The following ANTXR2 variants were observed in gnomAD, a reference collection of about 807,000 sequenced individuals.
The protein encoded by ANTXR2 is ANTXR cell adhesion molecule 2, also known as anthrax toxin receptor 2.
A neutral mutation model predicts 73.7 loss-of-function variants in ANTXR2; 44 were observed. The observed-to-expected ratio is 0.60, with a 90% CI of 0.47 to 0.77. ANTXR2 has a LOEUF of 0.77. ANTXR2 is among the 30% of genes least tolerant of loss of function. The pLI is 0.00. For missense variants in ANTXR2, 604 were observed against 592.5 expected, an observed-to-expected ratio of 1.02 and a Z score of -0.20; for synonymous variants, 217 against 205.9, an observed-to-expected ratio of 1.05 and a Z score of -0.46.
rs112474986 is a variant in ANTXR2 at position 80,066,963 on chromosome 4, C to T, written c.296+2473G>A. Among the ~76,000 whole-genome samples, 179 of 151,980 alleles carry T rather than the reference C, an allele frequency of 1.2e-3. 2 individuals are homozygous for T. The highest frequency in any genetic ancestry group is 4.0e-3 in the African/African-American group (167 of 41,448). ...CTGTAATCCTAGCACTTTGGGAGGCCGAGGCGGACGGATCACGAGGTCAGG... is the reference window on the plus strand; with the variant it reads ...CTGTAATCCTAGCACTTTGGGAGGCTGAGGCGGACGGATCACGAGGTCAGG... On this transcript the variant is annotated intron_variant, in intron 3 of 16. Coordinates refer to ENST00000403729, the MANE Select transcript of ANTXR2 (RefSeq NM_058172.6).
At chr4:79,921,293 T>A (rs1727579547) in intron 16 of ANTXR2, among the ~76,000 whole-genome samples, 1 of 152,116 alleles carries the variant, frequency 6.6e-6, no homozygotes, top group African/African-American at 2.4e-5. Flanking sequence ...TTATTGAGAT[T>A]TTCCTAATGT....
intron 3 of ANTXR2, 33 bp from the exon 4 acceptor site, chr4:80,056,046 G>T (rs1156369299): frequency 2.9e-6 from 4 of 1,397,876 alleles, no homozygotes; most frequent in Non-Finnish European, 3.9e-6. Context: ...GAAAAAATGA[G>T]CAAAGAGCAA....
At chr4:80,061,501 A>G (rs1387746197) in intron 3 of ANTXR2, among the ~76,000 whole-genome samples, 1 of 152,172 alleles carries the variant, frequency 6.6e-6, no homozygotes, top group East Asian at 1.9e-4. Context: ...AATAAACAGT[A>G]ATTCCAAAAC....
At chr4:80,023,755 G>A (rs552541042) in intron 10 of ANTXR2, among the ~76,000 whole-genome samples, 3 of 152,192 alleles carry the variant, frequency 2.0e-5, no homozygotes, top group African/African-American at 7.2e-5. Context: ...AAAGGGACAG[G>A]GACAGAACAG....
chr4:79,933,034 C>T (rs1728121487), intron 16 of ANTXR2, among the ~76,000 whole-genome samples: 3 of 151,570 alleles, frequency 2.0e-5, no homozygotes, highest in African/African-American at 7.3e-5. Flanking sequence ...TTAACAATAC[C>T]CCCACTTAAA....
chr4:80,053,421 C>T (rs979437649), intron 7 of ANTXR2, among the ~76,000 whole-genome samples: 3 of 151,612 alleles, frequency 2.0e-5, no homozygotes, highest in Non-Finnish European at 4.4e-5. Flanking sequence ...AAAACAAATA[C>T]AATAAATCTC....
In ANTXR2 at chr4:80,071,625, T is replaced by C; in HGVS notation, c.182A>G (p.Glu61Gly). 1 of 1,613,434 alleles carries C rather than the reference T, an allele frequency of 6.2e-7. No individual in the cohort carries two copies. Among genetic ancestry groups the C allele is most frequent in the Non-Finnish European group, 8.5e-7 (1 of 1,179,418 alleles). ...AAGTTGCTGTACGAAATTATAAATT[T>C]CAATCCAGTTATTTGCCACACTCCC... ...KSGSVANNWI[E>G]IYNFVQQLAE... Residue 61 changes from glutamate (E) to glycine (G), a missense_variant, in exon 2 of 17, where the codon GAA becomes GGA. Coordinates refer to ENST00000403729, the MANE Select transcript of ANTXR2 (RefSeq NM_058172.6).
intron 3 of ANTXR2, among the ~76,000 whole-genome samples, chr4:80,064,780 A>C (rs1734420867): frequency 6.6e-6 from 1 of 152,182 alleles, no homozygotes; most frequent in South Asian, 2.1e-4. Flanking sequence ...AGGGAATGGA[A>C]AGAAGACCAC....
At chr4:79,948,290 G>T (rs1392722399) in intron 16 of ANTXR2, among the ~76,000 whole-genome samples, 6 of 152,106 alleles carry the variant, frequency 3.9e-5, no homozygotes, top group Non-Finnish European at 8.8e-5. Context: ...CTGTTAAAAA[G>T]AGACTCAGGT....
chr4:79,975,142 T>G (rs1729576202), intron 16 of ANTXR2, among the ~76,000 whole-genome samples: 1 of 152,222 alleles, frequency 6.6e-6, no homozygotes, highest in African/African-American at 2.4e-5. Flanking sequence ...TTGCTCATGA[T>G]GCCACATCTA....
At chr4:79,948,385 C>T (rs1226467738) in intron 16 of ANTXR2, among the ~76,000 whole-genome samples, 2 of 152,100 alleles carry the variant, frequency 1.3e-5, no homozygotes, top group African/African-American at 4.8e-5. Flanking sequence ...GCTGAAGTCA[C>T]ATAAAAAATA....
chr4:79,984,704 AAGTC>A (rs1270228764), intron 13 of ANTXR2, 111 bp downstream of exon 13: 51 of 890,464 alleles, frequency 5.7e-5, no homozygotes, highest in Non-Finnish European at 8.9e-5. Context: ...ATAAATTAAA[AAGTC>A]AGTACATAGG....
intron 8 of ANTXR2, among the ~76,000 whole-genome samples, chr4:80,035,743 T>G (rs2110086698): frequency 6.6e-6 from 1 of 152,280 alleles, no homozygotes; most frequent in Non-Finnish European, 1.5e-5. Context: ...CAGAAGATTC[T>G]AAAAGCCTGT....
chr4:79,918,873 T>C (rs906699200), intron 16 of ANTXR2, among the ~76,000 whole-genome samples: 1 of 152,080 alleles, frequency 6.6e-6, no homozygotes, highest in East Asian at 1.9e-4. Flanking sequence ...ACATATGTAG[T>C]AGTAGAATAC....
intron 16 of ANTXR2, among the ~76,000 whole-genome samples, chr4:79,916,032 T>C (rs1402602500): frequency 6.6e-6 from 1 of 152,020 alleles, no homozygotes; most frequent in Non-Finnish European, 1.5e-5. Context: ...TCAGTAGATG[T>C]CATGAAGAGA....
chr4:80,047,351 C>T lies in ANTXR2; in HGVS notation c.636+6921G>A, dbSNP rs532778803. Among the ~76,000 whole-genome samples the T allele has an allele frequency of 4.6e-5, 7 of 151,654 alleles. No individual in the cohort carries two copies. In the South Asian group the frequency reaches 1.2e-3, roughly 27 times the overall value. On this transcript the variant is annotated intron_variant, in intron 7 of 16. Transcript: ENST00000403729. ...CTATGTTTATTATCAAGTGGGATTT[C>T]GGAGGAATGGGGTGTCTTCTTAGAA...
chr4:80,056,804 A>G (rs1734019067), intron 3 of ANTXR2, among the ~76,000 whole-genome samples: 3 of 151,896 alleles, frequency 2.0e-5, no homozygotes, highest in Admixed American at 2.0e-4. Flanking sequence ...TATGACTACA[A>G]TATTATTAAG....
At chr4:79,937,756 A>T (rs1169912771) in intron 16 of ANTXR2, among the ~76,000 whole-genome samples, 1 of 152,032 alleles carries the variant, frequency 6.6e-6, no homozygotes, top group African/African-American at 2.4e-5. Context: ...GCTCCGGTCT[A>T]CAGCTCCCAG....
Position 80,071,745 on chromosome 4 carries a change from A to G in ANTXR2, c.153-91T>C. ...TGGTTCCTTCTTCAATGCCACGAAC[A>G]TAGGGGCACCTGGCCTCTTTTTCAA... On this transcript the variant is annotated intron_variant, in intron 1 of 16. Transcript: ENST00000403729. 2.9e-6 allele frequency: 3 copies of G among 1,035,962 alleles called. No individual in the cohort carries two copies. In the South Asian group the frequency reaches 4.1e-5, roughly 14 times the overall value. The allele number at this position is 1,035,962 out of a possible 1,614,324, so 64.2% of individuals were successfully genotyped here.
Sources: allele counts gnomAD v4.1 joint callset (sites outside exome capture counted in the v4.1 genomes callset), GRCh38; gene constraint gnomAD v4.1.1; transcripts MANE v1.5; gene names NCBI Gene and HGNC (gene_info 2026-07-23, HGNC 2026-07-21).